The following KIAA1958 variants were observed in gnomAD, a reference collection of about 807,000 sequenced individuals.
The protein encoded by KIAA1958 is uncharacterized protein KIAA1958.
A neutral mutation model predicts 47.2 loss-of-function variants in KIAA1958; 14 were observed. That is an observed-to-expected ratio of 0.30 (90% CI 0.20 to 0.46). The LOEUF is 0.46. KIAA1958 is among the 20% of genes least tolerant of loss of function. The pLI, the probability that KIAA1958 is intolerant of heterozygous loss-of-function variation, is 1.00. For synonymous variants in KIAA1958, 354 were observed against 353.3 expected, an observed-to-expected ratio of 1.00 and a Z score of -0.02; for missense variants, 803 against 909.2, an observed-to-expected ratio of 0.88 and a Z score of 1.50.
intron 1 of KIAA1958, among the ~76,000 whole-genome samples, chr9:112,572,717 T>C (rs1835560739): frequency 6.6e-6 from 1 of 151,574 alleles, no homozygotes; most frequent in Non-Finnish European, 1.5e-5. Context: ...CAGTAGGGGG[T>C]TTAGAGAAGA....
intron 1 of KIAA1958, among the ~76,000 whole-genome samples, chr9:112,573,816 A>G (rs747686367): frequency 2.6e-4 from 40 of 152,150 alleles, no homozygotes; most frequent in Non-Finnish European, 4.7e-4. Context: ...AATTATTATA[A>G]CAATAAAGAA....
At chr9:112,500,348 G>T (rs1236992805) in intron 1 of KIAA1958, among the ~76,000 whole-genome samples, 1 of 152,064 alleles carries the variant, frequency 6.6e-6, no homozygotes, top group South Asian at 2.1e-4. Flanking sequence ...TGATCTGCCC[G>T]CCTTGGCCTC....
intron 1 of KIAA1958, among the ~76,000 whole-genome samples, chr9:112,491,333 A>C (rs2132753873): frequency 6.6e-6 from 1 of 152,320 alleles, no homozygotes; most frequent in South Asian, 2.1e-4. Flanking sequence ...TAAAAATCTT[A>C]CCATAAAATG....
chr9:112,571,305 A>G (rs1835529657), intron 1 of KIAA1958, among the ~76,000 whole-genome samples: 1 of 152,202 alleles, frequency 6.6e-6, no homozygotes, highest in Admixed American at 6.5e-5. Context: ...CCAAATAAAG[A>G]CAATAACAAG....
chr9:112,504,544 G>A (rs974403009), intron 1 of KIAA1958, among the ~76,000 whole-genome samples: 12 of 152,210 alleles, frequency 7.9e-5, no homozygotes, highest in African/African-American at 2.9e-4. Context: ...ATCTGGAGGA[G>A]TGAAGGAACT....
rs1004848949 is a variant in KIAA1958 at position 112,524,016 on chromosome 9, C to CCCAT, written c.-25+36901_-25+36904dup. Among the ~76,000 whole-genome samples, 262 of 152,320 alleles carry CCCAT rather than the reference C, an allele frequency of 1.7e-3. 3 individuals are homozygous for CCCAT. Among genetic ancestry groups the CCCAT allele is most frequent in the African/African-American group, 6.2e-3 (259 of 41,580 alleles). On this transcript the variant is annotated intron_variant, in intron 1 of 3. Transcript: ENST00000337530. ...GTGTATGTGTGCATGCACCCCTCAT[C>CCCAT]CCATCCTATTTCCTTTTGATTTCAA...
intron 1 of KIAA1958, among the ~76,000 whole-genome samples, chr9:112,511,378 G>A (rs1376046705): frequency 6.6e-6 from 1 of 152,198 alleles, no homozygotes; most frequent in Non-Finnish European, 1.5e-5. Flanking sequence ...TGAGTATAAT[G>A]CACTAAGGAT....
intron 1 of KIAA1958, among the ~76,000 whole-genome samples, chr9:112,512,634 G>T (rs1834341964): frequency 6.6e-6 from 1 of 151,920 alleles, no homozygotes; most frequent in Admixed American, 6.6e-5. Context: ...CACGTAGCAT[G>T]TAAGTCAGGC....
chr9:112,548,586 G>C (rs1264985786), intron 1 of KIAA1958, among the ~76,000 whole-genome samples: 1 of 152,090 alleles, frequency 6.6e-6, no homozygotes, highest in Admixed American at 6.6e-5. Flanking sequence ...GTTGTTACTT[G>C]TTTTGTTTAG....
intron 2 of KIAA1958, among the ~76,000 whole-genome samples, chr9:112,595,187 A>G (rs1354640244): frequency 6.6e-6 from 1 of 152,232 alleles, no homozygotes; most frequent in Non-Finnish European, 1.5e-5. Context: ...AAAAGGACAC[A>G]TAACTGTGAC....
rs184012336 is a variant in KIAA1958 at position 112,500,927 on chromosome 9, T to C, written c.-25+13809T>C. 7.2e-4 allele frequency among the ~76,000 whole-genome samples: 107 copies of C among 149,276 alleles called. No homozygotes were observed. The Middle Eastern group carries it at 0.014, about 19-fold the overall frequency. On this transcript the variant is annotated intron_variant, in intron 1 of 3. Coordinates refer to ENST00000337530, the MANE Select transcript of KIAA1958 (RefSeq NM_133465.4). ...AATTTCAAGATCAGCCTGGGCCACATAGGGAGACCCCCATCGCTACAAAAA... is the reference window on the plus strand; with the variant it reads ...AATTTCAAGATCAGCCTGGGCCACACAGGGAGACCCCCATCGCTACAAAAA...
In KIAA1958 at chr9:112,545,833, T is replaced by TTTTG. The variant is rs1835021405; in HGVS notation, c.-24-28221_-24-28220insGTTT. ...GATACACAGGTTTCTTTGTTTTTTT[T>TTTTG]TTTTTTTTTTTTTAGTGAATTTCAA... On this transcript the variant is annotated intron_variant, in intron 1 of 3. Transcript: ENST00000337530. Among the ~76,000 whole-genome samples the TTTTG allele has an allele frequency of 3.3e-5, 5 of 149,640 alleles. 1 individual carries two copies. Among genetic ancestry groups the TTTTG allele is most frequent in the African/African-American group, 1.2e-4 (5 of 40,930 alleles).
intron 2 of KIAA1958, among the ~76,000 whole-genome samples, chr9:112,615,309 G>A (rs190040955): frequency 2.0e-5 from 3 of 151,522 alleles, no homozygotes; most frequent in Admixed American, 6.6e-5. Flanking sequence ...AATCCCAGCT[G>A]CTTGAGAGGC....
At chr9:112,569,489 C>T (rs1233474029) in intron 1 of KIAA1958, among the ~76,000 whole-genome samples, 2 of 152,220 alleles carry the variant, frequency 1.3e-5, no homozygotes, top group African/African-American at 2.4e-5. Flanking sequence ...AGGCAAATGA[C>T]GCTTTTAACT....
intron 2 of KIAA1958, 67 bp from the exon 3 acceptor site, chr9:112,645,583 C>A: frequency 9.4e-7 from 1 of 1,064,812 alleles, no homozygotes; most frequent in Non-Finnish European, 1.4e-6. Flanking sequence ...TTTATCATCC[C>A]AAGATGTAAT....
chr9:112,579,248 G>A (rs1381167009), intron 2 of KIAA1958, among the ~76,000 whole-genome samples: 1 of 151,880 alleles, frequency 6.6e-6, no homozygotes, highest in African/African-American at 2.4e-5. Context: ...TTTTATGAAG[G>A]CAATTCTTTC....
chr9:112,513,684 G>A (rs1414213680), intron 1 of KIAA1958, among the ~76,000 whole-genome samples: 1 of 71,248 alleles, frequency 1.4e-5, no homozygotes, highest in African/African-American at 5.8e-5. Flanking sequence ...TTGCCGCCGC[G>A]CCGGCGAGCG....
chr9:112,515,781 A>G (rs1834420300), intron 1 of KIAA1958, among the ~76,000 whole-genome samples: 1 of 107,928 alleles, frequency 9.3e-6, no homozygotes, highest in Non-Finnish European at 1.9e-5. Context: ...TAGGAAAACC[A>G]GAGACCTTTG....
intron 3 of KIAA1958, among the ~76,000 whole-genome samples, chr9:112,653,030 T>A (rs1239810052): frequency 1.3e-5 from 2 of 152,144 alleles, no homozygotes; most frequent in African/African-American, 2.4e-5. Context: ...TCAGTCCACT[T>A]CAAGAGGTAG....
Sources: allele counts gnomAD v4.1 joint callset (sites outside exome capture counted in the v4.1 genomes callset), GRCh38; gene constraint gnomAD v4.1.1; transcripts MANE v1.5; gene names NCBI Gene and HGNC (gene_info 2026-07-23, HGNC 2026-07-21).